The following MYO10 variants were observed in gnomAD, a reference collection of about 807,000 sequenced individuals.
MYO10 encodes the protein myosin X.
A neutral mutation model predicts 257.3 loss-of-function variants in MYO10; 133 were observed. The ratio of observed to expected loss-of-function variants is 0.52; its 90% CI spans 0.45 to 0.60. The LOEUF is 0.60. Ranked by LOEUF, MYO10 falls within the 20% of genes least tolerant of loss-of-function variation. The pLI is 0.00. For missense variants in MYO10, 2,399 were observed against 2,635.7 expected (o/e 0.91, Z 1.97); for synonymous variants, 1,104 against 1,028.6 (o/e 1.07, Z -1.40).
chr5:16,779,287 A>G (rs1352559187), intron 9 of MYO10, among the ~76,000 whole-genome samples: 1 of 152,182 alleles, frequency 6.6e-6, no homozygotes. Context: ...CACTGTCCCA[A>G]GTAAACTGCC....
At position 16,670,562 on chromosome 5, in the gene MYO10, C is replaced by G. The variant is rs774263404; in HGVS notation, c.5847G>C (p.Glu1949Asp). ...AMAKYMALIKEWPGYGSTLFD... is the reference protein window; with the variant it reads ...AMAKYMALIKDWPGYGSTLFD... ...ACAGCGTCGAGCCATAGCCAGGCCA[C>G]TCCTTGATCAAGGCCATGTACTTGG... is the stretch of plus-strand genomic sequence containing the variant. Residue 1949 changes from glutamate (E) to aspartate (D), a missense_variant, in exon 39 of 41, where the codon GAG becomes GAC. Physicochemically the swap from Glu to Asp is conservative, Grantham distance 45. Coordinates refer to ENST00000513610, the MANE Select transcript of MYO10 (RefSeq NM_012334.3). 6.2e-7 allele frequency: 1 copy of G among 1,613,548 alleles called. No homozygotes were observed. The highest frequency in any genetic ancestry group is 2.2e-5 in the East Asian group (1 of 44,884).
Position 16,762,092 on chromosome 5 carries a change from G to A in MYO10, c.1609C>T (p.Pro537Ser). 1 of 1,432,308 alleles carries A rather than the reference G, an allele frequency of 7.0e-7. No individual in the cohort carries two copies. The highest frequency in any genetic ancestry group is 9.3e-7 in the Non-Finnish European group (1 of 1,073,664). The allele number at this position is 1,432,308 out of a possible 1,614,324, so 88.7% of individuals were successfully genotyped here. A position where few individuals can be genotyped will look rare whatever the true frequency, so the allele number is the denominator to read the frequency against. Residue 537 changes from proline (P) to serine (S), a missense_variant, in exon 16 of 41, where the codon CCC becomes TCC. Coordinates refer to ENST00000513610, the MANE Select transcript of MYO10 (RefSeq NM_012334.3). ...QHANNHFYVK[P>S]RVAVNNFGVK... is the part of the protein sequence containing the mutation. ...CCAAAATTGTTAACTGCAACTCTGG[G>A]CTTCACATAAAAGTGGTTATTCTAA...
chr5:16,893,262 C>G (rs1745120838), intron 1 of MYO10, among the ~76,000 whole-genome samples: 1 of 149,304 alleles, frequency 6.7e-6, no homozygotes, highest in Middle Eastern at 3.5e-3. Flanking sequence ...GATAAGGAGG[C>G]TGAAGAGGAT....
chr5:16,673,203 T>C (rs78268667), intron 36 of MYO10, among the ~76,000 whole-genome samples: 3 of 143,158 alleles, frequency 2.1e-5, no homozygotes, highest in African/African-American at 7.6e-5. Context: ...TTTTTTTTTT[T>C]CCATAAGAAG....
intron 2 of MYO10, among the ~76,000 whole-genome samples, chr5:16,838,872 A>G (rs1269325202): frequency 6.6e-6 from 1 of 152,250 alleles, no homozygotes; most frequent in Non-Finnish European, 1.5e-5. Context: ...TATAAACGGA[A>G]TAACAGAACT....
At position 16,689,804 on chromosome 5, in the gene MYO10, A is replaced by G. The variant is rs1447441625; in HGVS notation, c.3896+20T>C. On this transcript the variant is annotated intron_variant, in intron 28 of 40. Coordinates refer to ENST00000513610, the MANE Select transcript of MYO10 (RefSeq NM_012334.3). ...AGGGAGCAGGATGTGGGTAACACAA[A>G]GTCAACAGCGCAGACTCACCTGGCA... 1 of 1,584,110 alleles carries G rather than the reference A, an allele frequency of 6.3e-7. No individual in the cohort carries two copies. Among genetic ancestry groups the G allele is most frequent in the Non-Finnish European group, 8.7e-7 (1 of 1,153,098 alleles).
In MYO10 at chr5:16,665,259, A is replaced by G. The variant is rs1736107829; in HGVS notation, c.*1433T>C. ...CAAAACAAAAATAAGCCTCCCCTCCATGGTTTTTAGAGCCTCCTCTGATAA... is the reference window on the plus strand; with the variant it reads ...CAAAACAAAAATAAGCCTCCCCTCCGTGGTTTTTAGAGCCTCCTCTGATAA... On this transcript the variant is annotated 3_prime_UTR_variant, in exon 41 of 41. Coordinates refer to ENST00000513610, the MANE Select transcript of MYO10 (RefSeq NM_012334.3). The G allele has an allele frequency of 1.3e-5, 2 of 151,574 alleles. No homozygotes were observed. Among genetic ancestry groups the G allele is most frequent in the Non-Finnish European group, 2.9e-5 (2 of 67,932 alleles). 9.4% of individuals were successfully genotyped at this position (151,574 alleles called of 1,614,324 possible).
intron 4 of MYO10, among the ~76,000 whole-genome samples, chr5:16,787,547 C>CA (rs1164319677): frequency 6.8e-6 from 1 of 146,898 alleles, no homozygotes; most frequent in African/African-American, 2.5e-5. Context: ...CAAACACAGG[C>CA]TTTGGCAAAA....
chr5:16,866,053 ACACAC>A (rs748064089), intron 2 of MYO10, among the ~76,000 whole-genome samples: 6 of 151,448 alleles, frequency 4.0e-5, no homozygotes, highest in Admixed American at 2.0e-4. Flanking sequence ...ACACACACAC[ACACAC>A]AAAACAATAG....
intron 2 of MYO10, among the ~76,000 whole-genome samples, chr5:16,868,296 C>G (rs971310947): frequency 1.4e-4 from 21 of 152,196 alleles, no homozygotes; most frequent in African/African-American, 4.8e-4. Context: ...CCTGCAGAAC[C>G]ATGGTGCTTT....
intron 1 of MYO10, among the ~76,000 whole-genome samples, chr5:16,932,015 T>C (rs1357997832): frequency 1.3e-5 from 2 of 152,120 alleles, no homozygotes; most frequent in African/African-American, 2.4e-5. Flanking sequence ...ACAACCACAG[T>C]CCCTTGTCAA....
chr5:16,685,777 C>T lies in MYO10; in HGVS notation c.3951G>A (p.Gln1317=). The change falls in exon 29 of 41, where the codon CAG becomes CAA. Residue 1317 remains glutamine, a synonymous_variant. Coordinates refer to ENST00000513610, the MANE Select transcript of MYO10 (RefSeq NM_012334.3). ...QVHASTDQEI[Q]EMHDEQANPQ... The stretch of plus-strand genomic sequence containing the variant: ...GGTTTGCCTGCTCATCATGCATCTC[C>T]TGGATCTCCTGGTCCGTGGACGCGT... 6.2e-7 allele frequency: 1 copy of T among 1,605,794 alleles called. No homozygotes were observed. Among genetic ancestry groups the T allele is most frequent in the Non-Finnish European group, 8.5e-7 (1 of 1,176,590 alleles).
chr5:16,699,509 C>G lies in MYO10; in HGVS notation c.3497G>C (p.Arg1166Pro). ...FDTDDELSYR[R>P]DSVYSCVTLP... ...AGTGACACAGCTGTACACAGAGTCA[C>G]GCCGGTATGAAAGCTCATCATCTGT... Residue 1166 changes from arginine (R) to proline (P), a missense_variant, in exon 26 of 41, where the codon CGT becomes CCT. Arg to Pro is a moderately radical substitution (Grantham distance 103). Coordinates refer to ENST00000513610, the MANE Select transcript of MYO10 (RefSeq NM_012334.3). 1 of 1,613,792 alleles carries G rather than the reference C, an allele frequency of 6.2e-7. No individual in the cohort carries two copies. The highest frequency in any genetic ancestry group is 8.5e-7 in the Non-Finnish European group (1 of 1,179,846).
intron 6 of MYO10, among the ~76,000 whole-genome samples, chr5:16,781,478 C>CCT (rs1182788365): frequency 8.5e-5 from 13 of 152,260 alleles, no homozygotes; most frequent in Admixed American, 2.0e-4. Flanking sequence ...AAGCAATCCT[C>CCT]CTGCCTCAGC....
rs1736455217 is a variant in MYO10, at chr5:16,671,451, T to C, written c.5401A>G (p.Ser1801Gly). 1 of 1,614,010 alleles carries C rather than the reference T, an allele frequency of 6.2e-7. No individual in the cohort carries two copies. Among genetic ancestry groups the C allele is most frequent in the Non-Finnish European group, 8.5e-7 (1 of 1,179,882 alleles). ...FLDTDNVPKD[S>G]VEFAFMFEQA... ...TCAAACATAAATGCAAACTCCACAC[T>C]GTCTTTTGGCACGTTGTCTGTGTCC... The change falls in exon 38 of 41, where the codon AGT becomes GGT. Residue 1801 changes from serine (S) to glycine (G), a missense_variant. By Grantham distance (56) the Ser-to-Gly change is moderately conservative. Coordinates refer to ENST00000513610, the MANE Select transcript of MYO10 (RefSeq NM_012334.3).
At chr5:16,893,196 C>CAAACAAAAAAAAAAAAAA (rs538239809) in intron 1 of MYO10, among the ~76,000 whole-genome samples, 1 of 69,572 alleles carries the variant, frequency 1.4e-5, no homozygotes, top group Non-Finnish European at 2.7e-5. Flanking sequence ...GACTCTGTCT[C>CAAACAAAAAAAAAAAAAA]AAAAAAAAAA....
intron 2 of MYO10, among the ~76,000 whole-genome samples, chr5:16,820,490 T>C (rs1456081252): frequency 3.9e-5 from 6 of 152,150 alleles, no homozygotes; most frequent in African/African-American, 1.2e-4. Flanking sequence ...TGAGGTCTCA[T>C]CTCACTCTGC....
chr5:16,848,608 C>T (rs749342459), intron 2 of MYO10, among the ~76,000 whole-genome samples: 1 of 152,056 alleles, frequency 6.6e-6, no homozygotes, highest in Non-Finnish European at 1.5e-5. Context: ...GTGTTCCCTC[C>T]AAGAGTCTTT....
chr5:16,757,305 C>CACACAA (rs1553992936), intron 18 of MYO10, among the ~76,000 whole-genome samples: 2 of 77,998 alleles, frequency 2.6e-5, no homozygotes, highest in Non-Finnish European at 5.7e-5. Flanking sequence ...CACACAAACA[C>CACACAA]ACACACACAC....
Sources: allele counts gnomAD v4.1 joint callset (sites outside exome capture counted in the v4.1 genomes callset), GRCh38; gene constraint gnomAD v4.1.1; transcripts MANE v1.5; gene names NCBI Gene and HGNC (gene_info 2026-07-23, HGNC 2026-07-21).